Variants in SCN9A observed in about 807,000 individuals in gnomAD.
The protein encoded by SCN9A is sodium channel protein type 9 subunit alpha.
In SCN9A, 131 loss-of-function variants were observed where a neutral mutation model predicts 187.0. The ratio of observed to expected loss-of-function variants is 0.70; its 90% CI spans 0.61 to 0.81. The LOEUF (loss-of-function observed/expected upper bound fraction) is 0.81. SCN9A is among the 30% of genes least tolerant of loss of function. The pLI is 0.00. For synonymous variants in SCN9A, 809 were observed against 808.6 expected (o/e 1.00, Z -0.01); for missense variants, 2,252 against 2,396.6 (o/e 0.94, Z 1.26).
At chr2:166,351,832 T>A (rs111281728) in intron 1 of SCN9A, among the ~76,000 whole-genome samples, 1 of 152,324 alleles carries the variant, frequency 6.6e-6, no homozygotes, top group Non-Finnish European at 1.5e-5. Flanking sequence ...TATGGAGTTT[T>A]AAATAATTAC....
At chr2:166,243,640 G>A (rs910702850) in intron 18 of SCN9A, among the ~76,000 whole-genome samples, 1 of 151,888 alleles carries the variant, frequency 6.6e-6, no homozygotes, top group African/African-American at 2.4e-5. Context: ...GTTTAGAATT[G>A]TGATGCAAGC....
intron 6 of SCN9A, 82 bp from the exon 7 acceptor site, chr2:166,303,384 A>G: frequency 9.1e-7 from 1 of 1,101,778 alleles, no homozygotes; most frequent in Non-Finnish European, 1.3e-6. Flanking sequence ...CTAGAAAGTC[A>G]TGCATTATAT....
chr2:166,213,687 C>T lies in SCN9A; in HGVS notation c.4399-9223G>A, dbSNP rs111619036. Among the ~76,000 whole-genome samples, 482 of 152,166 alleles carry T rather than the reference C, an allele frequency of 3.2e-3. 2 individuals are homozygous for T. The highest frequency in any genetic ancestry group is 0.011 in the African/African-American group (468 of 41,516). On this transcript the variant is annotated intron_variant, in intron 24 of 26. Transcript: ENST00000642356. ...TTCTCATATCAAAGCCAGACAAAGACACTGTAAGAAAAGAAAATTACAGCT... is the reference window on the plus strand; with the variant it reads ...TTCTCATATCAAAGCCAGACAAAGATACTGTAAGAAAAGAAAATTACAGCT...
rs758536243 is a variant in SCN9A at position 166,221,547 on chromosome 2, T to C, written c.4398+5020A>G. On this transcript the variant is annotated intron_variant, in intron 24 of 26. Coordinates refer to ENST00000642356, the MANE Select transcript of SCN9A (RefSeq NM_001365536.1). ...TCCTAAGTAGCTAGGACTATAGGTGTGTGCCATCATGCTTGGCTACTTTTC... is the reference window on the plus strand; with the variant it reads ...TCCTAAGTAGCTAGGACTATAGGTGCGTGCCATCATGCTTGGCTACTTTTC... Among the ~76,000 whole-genome samples, 5 of 152,074 alleles carry C rather than the reference T, an allele frequency of 3.3e-5. No homozygotes were observed. The South Asian group carries it at 1.0e-3, about 32-fold the overall frequency.
In SCN9A at chr2:166,256,335, A is replaced by T. The variant is rs370319964; in HGVS notation, c.3352-4450T>A. Among the ~76,000 whole-genome samples, 84 of 151,132 alleles carry T rather than the reference A, an allele frequency of 5.6e-4. 1 individual carries two copies. In the South Asian group the frequency reaches 0.011, roughly 20 times the overall value. On this transcript the variant is annotated intron_variant, in intron 17 of 26. Coordinates refer to ENST00000642356, the MANE Select transcript of SCN9A (RefSeq NM_001365536.1). Reference sequence around the variant, plus strand: ...TTTCTGGGCCCCTTGAGGTCTCTACAATCTTTTTTTTTTGATATGAAATTT... The same window carrying T: ...TTTCTGGGCCCCTTGAGGTCTCTACTATCTTTTTTTTTTGATATGAAATTT...
At chr2:166,363,398 C>T (rs1279606272) in intron 1 of SCN9A, among the ~76,000 whole-genome samples, 1 of 151,948 alleles carries the variant, frequency 6.6e-6, no homozygotes, top group Non-Finnish European at 1.5e-5. Flanking sequence ...TTGATTTAAT[C>T]ATATCTAGGA....
intron 1 of SCN9A, among the ~76,000 whole-genome samples, chr2:166,373,308 TCCTC>T (rs965099711): frequency 7.0e-6 from 1 of 142,834 alleles, no homozygotes; most frequent in African/African-American, 2.8e-5. Context: ...CTCTTCTTCT[TCCTC>T]TTTTTTTTTT....
intron 1 of SCN9A, among the ~76,000 whole-genome samples, chr2:166,319,272 A>G (rs1260072955): frequency 2.6e-5 from 4 of 151,756 alleles, no homozygotes; most frequent in Admixed American, 6.6e-5. Flanking sequence ...AACAAAATAT[A>G]TTTCTAGGTA....
In SCN9A at chr2:166,199,882, T is replaced by C. The variant is rs755797008; in HGVS notation, c.4775-18A>G. On this transcript the variant is annotated intron_variant, in intron 26 of 26. Transcript: ENST00000642356. ...AAACATACCTGTATGTGGAGGAAAA[T>C]AATAGAAATAAAATATTTAAAGATG... is the stretch of plus-strand genomic sequence containing the variant. 2 of 1,504,232 alleles carry C rather than the reference T, an allele frequency of 1.3e-6. No individual in the cohort carries two copies. The highest frequency in any genetic ancestry group is 1.8e-6 in the Non-Finnish European group (2 of 1,109,748). The allele number at this position is 1,504,232 out of a possible 1,614,324, so 93.2% of individuals were successfully genotyped here. A position where few individuals can be genotyped will look rare whatever the true frequency, so the allele number is the denominator to read the frequency against.
intron 1 of SCN9A, among the ~76,000 whole-genome samples, chr2:166,321,915 A>C (rs546498422): frequency 4.1e-4 from 62 of 151,342 alleles, no homozygotes; most frequent in Non-Finnish European, 9.0e-4. Context: ...TGTCAGCTCT[A>C]AAGCATCCTC....
chr2:166,266,166 GT>G (rs1053516767), intron 17 of SCN9A, among the ~76,000 whole-genome samples: 3 of 147,844 alleles, frequency 2.0e-5, no homozygotes, highest in African/African-American at 5.3e-5. Flanking sequence ...CTTTCCCCCT[GT>G]TTTTTTTCTT....
At chr2:166,283,596 T>C (rs979906324) in intron 12 of SCN9A, among the ~76,000 whole-genome samples, 1 of 152,210 alleles carries the variant, frequency 6.6e-6, no homozygotes, top group Non-Finnish European at 1.5e-5. Flanking sequence ...TAGTGACTCG[T>C]AGACCTTTGG....
intron 1 of SCN9A, among the ~76,000 whole-genome samples, chr2:166,332,029 T>TA (rs1170080943): frequency 5.3e-5 from 8 of 152,282 alleles, no homozygotes; most frequent in African/African-American, 1.9e-4. Context: ...GTGACTAAAG[T>TA]GACTATATTT....
At chr2:166,318,113 G>A (rs146148893) in intron 1 of SCN9A, among the ~76,000 whole-genome samples, 254 of 152,212 alleles carry the variant, frequency 1.7e-3, no homozygotes, top group African/African-American at 5.1e-3. Flanking sequence ...TTATCTCCAA[G>A]CTATCACCAA....
intron 16 of SCN9A, chr2:166,276,686 A>T (rs1486089500): frequency 5.6e-6 from 1 of 178,128 alleles, no homozygotes; most frequent in African/African-American, 2.4e-5. Context: ...ATTTACTAGT[A>T]TAGCTTCAAG....
At chr2:166,373,849 C>T (rs965234177) in intron 1 of SCN9A, among the ~76,000 whole-genome samples, 3 of 151,958 alleles carry the variant, frequency 2.0e-5, no homozygotes, top group Admixed American at 2.0e-4. Flanking sequence ...CACTCTTTTG[C>T]ATAACTAATA....
intron 1 of SCN9A, among the ~76,000 whole-genome samples, chr2:166,340,533 T>C (rs1699741625): frequency 8.5e-6 from 1 of 118,030 alleles, no homozygotes; most frequent in Non-Finnish European, 1.7e-5. Flanking sequence ...TCTCCTTTCT[T>C]TTCTTTCCCT....
At chr2:166,248,472 A>G (rs1695891644) in intron 18 of SCN9A, among the ~76,000 whole-genome samples, 1 of 152,094 alleles carries the variant, frequency 6.6e-6, no homozygotes, top group Non-Finnish European at 1.5e-5. Flanking sequence ...CTAAGCTCCC[A>G]TCACCTCTCA....
intron 17 of SCN9A, among the ~76,000 whole-genome samples, chr2:166,260,514 T>C (rs879283983): frequency 2.0e-5 from 3 of 151,908 alleles, no homozygotes; most frequent in Non-Finnish European, 2.9e-5. Flanking sequence ...CTGTTACGGA[T>C]TGTGCTTTGC....
Sources: allele counts gnomAD v4.1 joint callset (sites outside exome capture counted in the v4.1 genomes callset), GRCh38; gene constraint gnomAD v4.1.1; transcripts MANE v1.5; gene names NCBI Gene and HGNC (gene_info 2026-07-23, HGNC 2026-07-21).